CFAP47: variants seen among roughly 807,000 people sequenced by gnomAD.
CFAP47 encodes cilia- and flagella-associated protein 47.
Under a neutral mutation model 148.1 loss-of-function variants are expected in CFAP47, and 29 were observed. That is an observed-to-expected ratio of 0.20 (90% CI 0.15 to 0.27). The LOEUF (loss-of-function observed/expected upper bound fraction) is 0.27. Among genes scored for constraint, CFAP47 ranks in the 10% least tolerant of loss-of-function variants. The pLI, the probability that CFAP47 is intolerant of heterozygous loss-of-function variation, is 1.00. For missense variants in CFAP47, 1,872 were observed against 1,697.5 expected (o/e 1.10, Z -1.81); for synonymous variants, 664 against 577.3 (o/e 1.15, Z -2.15).
chrX:36,370,713 G>A (rs1293249435), intron 62 of CFAP47, among the ~76,000 whole-genome samples: 1 of 110,760 alleles, frequency 9.0e-6, no homozygotes, highest in Admixed American at 9.7e-5. Flanking sequence ...GAAGATCTAG[G>A]GAACTGGAGG....
chrX:36,074,210 A>G (rs750698984), intron 29 of CFAP47, among the ~76,000 whole-genome samples: 2 of 112,076 alleles, frequency 1.8e-5, no homozygotes, highest in South Asian at 7.3e-4. Context: ...GATACCCTGA[A>G]AATTTATAGT....
At chrX:36,087,814 GA>G (rs1421926673) in intron 30 of CFAP47, among the ~76,000 whole-genome samples, 2 of 112,135 alleles carry the variant, frequency 1.8e-5, no homozygotes, top group Non-Finnish European at 3.8e-5. Flanking sequence ...AAGAAAGGGT[GA>G]AAAATTTGCA....
intron 61 of CFAP47, among the ~76,000 whole-genome samples, chrX:36,362,838 A>T (rs913327518): frequency 3.6e-5 from 4 of 111,934 alleles, no homozygotes; most frequent in Non-Finnish European, 7.5e-5. Context: ...AAATCAAGCT[A>T]CAAGAAGAAA....
At chrX:36,172,397 C>T (rs1196397569) in intron 39 of CFAP47, among the ~76,000 whole-genome samples, 1 of 107,163 alleles carries the variant, frequency 9.3e-6, no homozygotes, top group Non-Finnish European at 1.9e-5. Context: ...GGGAATGCTT[C>T]CAGTTTTTGC....
chrX:36,379,251 C>A, intron 62 of CFAP47, 99 bp from the exon 63 acceptor site: 1 of 727,744 alleles, frequency 1.4e-6, no homozygotes, highest in Non-Finnish European at 2.1e-6. Flanking sequence ...GTTAACCAGG[C>A]CTATTGCAGC....
intron 21 of CFAP47, among the ~76,000 whole-genome samples, chrX:36,010,677 C>G (rs1304766751): frequency 9.0e-6 from 1 of 111,119 alleles, no homozygotes. Flanking sequence ...CCAGGATGGT[C>G]TCGATCTCCT....
At chrX:36,148,897 A>ATG (rs1222257025) in intron 36 of CFAP47, among the ~76,000 whole-genome samples, 3 of 76,410 alleles carry the variant, frequency 3.9e-5, no homozygotes, top group African/African-American at 2.8e-4. Flanking sequence ...GCTAAACTGT[A>ATG]TGTATGTGTG....
chrX:36,210,215 C>T (rs1375802977), intron 45 of CFAP47, among the ~76,000 whole-genome samples: 1 of 112,112 alleles, frequency 8.9e-6, no homozygotes, highest in Admixed American at 9.5e-5. Flanking sequence ...CTTGGGTATA[C>T]ATCTGTGAGT....
intron 29 of CFAP47, among the ~76,000 whole-genome samples, chrX:36,073,854 A>G (rs1377831847): frequency 8.9e-6 from 1 of 111,961 alleles, no homozygotes; most frequent in Non-Finnish European, 1.9e-5. Context: ...TTTTGATTAT[A>G]TCAAGTGACT....
chrX:36,296,431 C>T (rs1941243097), intron 51 of CFAP47, among the ~76,000 whole-genome samples: 1 of 111,839 alleles, frequency 8.9e-6, no homozygotes, highest in African/African-American at 3.2e-5. Context: ...TAGGTCACAA[C>T]ATGTGAGTGG....
At chrX:36,089,983 T>C (rs1938157180) in intron 30 of CFAP47, among the ~76,000 whole-genome samples, 1 of 111,949 alleles carries the variant, frequency 8.9e-6, no homozygotes, top group Admixed American at 9.5e-5. Flanking sequence ...TAACCACTAG[T>C]GACATACTGA....
At chrX:36,320,108 G>A (rs1327867779) in intron 57 of CFAP47, among the ~76,000 whole-genome samples, 1 of 111,344 alleles carries the variant, frequency 9.0e-6, no homozygotes, top group Non-Finnish European at 1.9e-5. Flanking sequence ...TTACAGGGGT[G>A]AGCCACCACG....
chrX:36,365,901 T>G (rs1941871362), intron 61 of CFAP47: 1 of 111,748 alleles, frequency 8.9e-6, no homozygotes, highest in African/African-American at 3.2e-5. Context: ...GATAGGCATT[T>G]AAGCTGATTC....
At chrX:36,179,220 C>G (rs937991268) in intron 39 of CFAP47, 125 bp from the exon 40 acceptor site, 13 of 268,497 alleles carry the variant, frequency 4.8e-5, no homozygotes, top group Non-Finnish European at 7.9e-5. Flanking sequence ...TTTTTTTAAA[C>G]TGTAGTTTAT....
intron 50 of CFAP47, among the ~76,000 whole-genome samples, chrX:36,284,529 C>G (rs4342774): frequency 0.026 from 2,878 of 111,228 alleles, 34 homozygotes; most frequent in Non-Finnish European, 0.038. Context: ...TCATGCAATA[C>G]AATCCCATAC....
At chrX:36,361,248 T>G in intron 60 of CFAP47, 82 bp from the exon 61 acceptor site, 2 of 505,502 alleles carry the variant, frequency 4.0e-6, no homozygotes, top group Non-Finnish European at 6.5e-6. Flanking sequence ...TACCTGTGCA[T>G]TGTTAGTCTT....
intron 30 of CFAP47, among the ~76,000 whole-genome samples, chrX:36,088,198 G>A (rs1020030256): frequency 8.9e-6 from 1 of 111,797 alleles, no homozygotes; most frequent in African/African-American, 3.3e-5. Context: ...GAACTTTGTG[G>A]AGGGGTGTAA....
At position 36,370,926 on chromosome X, in the gene CFAP47, C is replaced by A. The variant is rs782371297; in HGVS notation, c.9185+3799C>A. Among the ~76,000 whole-genome samples the A allele has an allele frequency of 3.6e-5, 4 of 111,098 alleles. No individual in the cohort carries two copies. In the South Asian group the frequency reaches 1.1e-3, roughly 32 times the overall value. ...GGCATACAAGGAGAGGAAAGAAGGA[C>A]GAAGATGCATGACAAACCCCATGGT... On this transcript the variant is annotated intron_variant, in intron 62 of 63. Transcript: ENST00000378653.
chrX:36,008,209 T>C (rs1204590567), intron 21 of CFAP47, among the ~76,000 whole-genome samples: 5 of 111,575 alleles, frequency 4.5e-5, no homozygotes, highest in Non-Finnish European at 9.4e-5. Context: ...ATAGCTTCTC[T>C]TCCCTGTCAG....
Sources: gnomAD v4.1 joint callset for allele counts (sites outside exome capture counted in the v4.1 genomes callset) on GRCh38, gnomAD v4.1.1 for gene constraint, MANE v1.5 for transcripts, NCBI Gene and HGNC (gene_info 2026-07-23, HGNC 2026-07-21) for gene names.